DLG2: variants seen among roughly 807,000 people sequenced by gnomAD.
DLG2 encodes the protein disks large homolog 2.
Under a neutral mutation model 132.5 loss-of-function variants are expected in DLG2, and 45 were observed. The observed-to-expected ratio is 0.34, with a 90% CI of 0.27 to 0.44. The LOEUF is 0.44. Ranked by LOEUF, DLG2 falls within the 20% of genes least tolerant of loss-of-function variation. DLG2 has a pLI of 1.00. For missense variants in DLG2, 1,045 were observed against 1,196.9 expected, an observed-to-expected ratio of 0.87 and a Z score of 1.87; for synonymous variants, 424 against 419.6, an observed-to-expected ratio of 1.01 and a Z score of -0.13.
At chr11:83,468,287 G>T (rs897189943) in intron 25 of DLG2, among the ~76,000 whole-genome samples, 32 of 152,164 alleles carry the variant, frequency 2.1e-4, no homozygotes, top group African/African-American at 7.5e-4. Context: ...TTAGGTAATA[G>T]ATTTCAAGTT....
intron 11 of DLG2, among the ~76,000 whole-genome samples, chr11:83,997,618 C>T (rs1203437736): frequency 6.7e-6 from 1 of 150,222 alleles, no homozygotes; most frequent in Non-Finnish European, 1.5e-5. Context: ...GTAGTCCCAG[C>T]TACTCAGGAG....
At chr11:84,388,167 GA>G (rs1166750520) in intron 7 of DLG2, among the ~76,000 whole-genome samples, 1 of 152,136 alleles carries the variant, frequency 6.6e-6, no homozygotes, top group Admixed American at 6.6e-5. Context: ...CAGATACACA[GA>G]ATTCCAATAA....
At chr11:85,592,146 T>G (rs2079398749) in intron 3 of DLG2, among the ~76,000 whole-genome samples, 1 of 152,266 alleles carries the variant, frequency 6.6e-6, no homozygotes, top group East Asian at 1.9e-4. Flanking sequence ...AAATATTACT[T>G]TCTTAATTGA....
chr11:85,441,857 T>C (rs1260745569), intron 3 of DLG2, among the ~76,000 whole-genome samples: 1 of 151,688 alleles, frequency 6.6e-6, no homozygotes, highest in African/African-American at 2.4e-5. Flanking sequence ...TAATGGCGAG[T>C]GCTATTTAAA....
chr11:84,101,370 G>A (rs759824512), intron 9 of DLG2, among the ~76,000 whole-genome samples: 6 of 152,110 alleles, frequency 3.9e-5, no homozygotes, highest in Non-Finnish European at 7.4e-5. Flanking sequence ...AAATTGACAA[G>A]AGCAGAGTGT....
At chr11:84,888,785 A>T (rs977115667) in intron 6 of DLG2, among the ~76,000 whole-genome samples, 5 of 152,120 alleles carry the variant, frequency 3.3e-5, no homozygotes, top group African/African-American at 1.2e-4. Context: ...ATGTCAACCC[A>T]TGTTGGCTGG....
At chr11:83,726,033 G>GA (rs1265604557) in intron 18 of DLG2, among the ~76,000 whole-genome samples, 11 of 151,554 alleles carry the variant, frequency 7.3e-5, no homozygotes, top group Admixed American at 1.3e-4. Flanking sequence ...CCCTATGAGG[G>GA]AAAAAAAAGT....
At chr11:84,529,563 A>G (rs979092515) in intron 7 of DLG2, among the ~76,000 whole-genome samples, 1 of 152,220 alleles carries the variant, frequency 6.6e-6, no homozygotes, top group African/African-American at 2.4e-5. Flanking sequence ...AAAGAATAAA[A>G]TACCTATGAA....
intron 9 of DLG2, among the ~76,000 whole-genome samples, chr11:84,118,500 A>T (rs1364058830): frequency 6.6e-6 from 1 of 152,342 alleles, no homozygotes; most frequent in South Asian, 2.1e-4. Context: ...TTCTCTAACG[A>T]GTTCATATTT....
At chr11:83,945,871 A>G (rs1413038798) in intron 14 of DLG2, among the ~76,000 whole-genome samples, 1 of 135,448 alleles carries the variant, frequency 7.4e-6, no homozygotes, top group Non-Finnish European at 1.6e-5. Flanking sequence ...TACTTTTTGC[A>G]TTTTGCTGTT....
At chr11:83,569,043 C>A (rs1303773428) in intron 19 of DLG2, among the ~76,000 whole-genome samples, 5 of 152,136 alleles carry the variant, frequency 3.3e-5, no homozygotes, top group Non-Finnish European at 5.9e-5. Flanking sequence ...GTTTTCACAA[C>A]ATCCCAGTTT....
intron 6 of DLG2, among the ~76,000 whole-genome samples, chr11:84,796,084 G>T (rs1407222668): frequency 1.3e-5 from 2 of 152,166 alleles, no homozygotes; most frequent in Non-Finnish European, 2.9e-5. Context: ...CTTGGGCAAA[G>T]GTACCACTAG....
chr11:83,785,943 G>C (rs1486507248), intron 18 of DLG2, among the ~76,000 whole-genome samples: 10 of 152,120 alleles, frequency 6.6e-5, no homozygotes, highest in Non-Finnish European at 1.3e-4. Flanking sequence ...TTAATAACAA[G>C]ATCTGACCCA....
Position 85,622,380 on chromosome 11 carries a change from C to T in DLG2, c.-93+4207G>A, listed in dbSNP as rs1009583187. On this transcript the variant is annotated intron_variant, in intron 2 of 27. Coordinates refer to ENST00000376104, the MANE Select transcript of DLG2 (RefSeq NM_001142699.3). ...TATTTCAGTGGTCTGGAACCTAACCCGCAATATCTCTGAGATATACCTGTA... is the reference window on the plus strand; with the variant it reads ...TATTTCAGTGGTCTGGAACCTAACCTGCAATATCTCTGAGATATACCTGTA... Among the ~76,000 whole-genome samples, 4 of 151,860 alleles carry T rather than the reference C, an allele frequency of 2.6e-5. No individual in the cohort carries two copies. The South Asian group carries it at 6.2e-4, about 24-fold the overall frequency.
At chr11:84,507,015 T>G (rs2099243318) in intron 7 of DLG2, among the ~76,000 whole-genome samples, 1 of 152,186 alleles carries the variant, frequency 6.6e-6, no homozygotes, top group South Asian at 2.1e-4. Context: ...TAGCTTAGTT[T>G]CCAAAGTAGA....
At chr11:83,645,710 G>A (rs1051179321) in intron 18 of DLG2, 4 of 152,144 alleles carry the variant, frequency 2.6e-5, no homozygotes, top group Non-Finnish European at 4.4e-5. Context: ...CCATGAGGGT[G>A]AGGATCAGAA....
At chr11:84,308,790 C>A (rs1170488605) in intron 7 of DLG2, among the ~76,000 whole-genome samples, 5 of 152,168 alleles carry the variant, frequency 3.3e-5, no homozygotes, top group Non-Finnish European at 7.4e-5. Context: ...GTGCTAAGCC[C>A]GTCATTGCCC....
At chr11:83,978,431 T>G (rs762334351) in intron 12 of DLG2, among the ~76,000 whole-genome samples, 13 of 152,110 alleles carry the variant, frequency 8.5e-5, no homozygotes, top group Non-Finnish European at 1.5e-4. Flanking sequence ...ATTTATTCTA[T>G]TCCCAAGACA....
At chr11:85,170,919 A>C (rs1237812935) in intron 4 of DLG2, among the ~76,000 whole-genome samples, 2 of 151,044 alleles carry the variant, frequency 1.3e-5, no homozygotes, top group Non-Finnish European at 2.9e-5. Flanking sequence ...AGGACTCCAC[A>C]AATAAGGCAT....
Sources: allele counts gnomAD v4.1 joint callset (sites outside exome capture counted in the v4.1 genomes callset), GRCh38; gene constraint gnomAD v4.1.1; transcripts MANE v1.5; gene names NCBI Gene and HGNC (gene_info 2026-07-23, HGNC 2026-07-21).